The following JAM2 variants were observed in gnomAD, a reference collection of about 807,000 sequenced individuals.
The protein encoded by JAM2 is junctional adhesion molecule B.
A neutral mutation model predicts 42.0 loss-of-function variants in JAM2; 17 were observed. The observed-to-expected ratio is 0.40, with a 90% CI of 0.28 to 0.61. The LOEUF is 0.61. JAM2 is among the 20% of genes least tolerant of loss of function. The pLI, the probability that JAM2 is intolerant of heterozygous loss-of-function variation, is 0.37. For missense variants in JAM2, 319 were observed against 358.3 expected (o/e 0.89, Z 0.89); for synonymous variants, 118 against 128.6 (o/e 0.92, Z 0.56).
chr21:25,691,267 A>C lies in JAM2; in HGVS notation c.241+1294A>C, dbSNP rs189851972. Among the ~76,000 whole-genome samples the C allele has an allele frequency of 4.6e-5, 7 of 152,382 alleles. No homozygotes were observed. In the East Asian group the frequency reaches 1.3e-3, roughly 29 times the overall value. ...CTGTCAAGATAAGACTACTAGCTGT[A>C]AGGTGTTAATAGCACAGCTGTCTTC... is the stretch of plus-strand genomic sequence containing the variant. On this transcript the variant is annotated intron_variant, in intron 3 of 9. Transcript: ENST00000480456.
intron 1 of JAM2, among the ~76,000 whole-genome samples, chr21:25,661,207 C>G (rs553394599): frequency 6.6e-6 from 1 of 152,110 alleles, no homozygotes; most frequent in South Asian, 2.1e-4. Context: ...AATACCAGCA[C>G]TTTGGGAGGT....
Position 25,639,735 on chromosome 21 carries a change from C to G in JAM2, c.-87C>G. ...CCCGACTCTCTGCTCCTTTCCCGCC[C>G]CAGAAGTTCAAGGGCCCCCGGCCTC... On this transcript the variant is annotated 5_prime_UTR_variant, in exon 1 of 10. Coordinates refer to ENST00000480456, the MANE Select transcript of JAM2 (RefSeq NM_021219.4). The G allele has an allele frequency of 1.2e-6, 1 of 816,264 alleles. No individual in the cohort carries two copies. 50.6% of individuals were successfully genotyped at this position (816,264 alleles called of 1,614,324 possible).
At chr21:25,694,494 A>C (rs764335591) in intron 4 of JAM2, among the ~76,000 whole-genome samples, 1 of 152,210 alleles carries the variant, frequency 6.6e-6, no homozygotes, top group East Asian at 1.9e-4. Flanking sequence ...ATTTGAATCC[A>C]GATGGGGTTA....
In JAM2 at chr21:25,717,019, A is replaced by T. The variant is rs1204837290; in HGVS notation, c.*2347A>T. 6.6e-6 allele frequency: 1 copy of T among 152,254 alleles called. No homozygotes were observed. Among genetic ancestry groups the T allele is most frequent in the African/African-American group, 2.4e-5 (1 of 41,466 alleles). The allele number at this position is 152,254 out of a possible 1,614,324, so 9.4% of individuals were successfully genotyped here. The stretch of plus-strand genomic sequence containing the variant: ...TGCCTTAGCTTCACTAATAGTTGTA[A>T]AACTTCTTTTTAAGACATCAAAGGC... On this transcript the variant is annotated 3_prime_UTR_variant, in exon 10 of 10. Transcript: ENST00000480456.
intron 4 of JAM2, among the ~76,000 whole-genome samples, chr21:25,695,557 C>T (rs1350368834): frequency 6.7e-6 from 1 of 149,612 alleles, no homozygotes; most frequent in African/African-American, 2.5e-5. Context: ...GGCGGCCGGG[C>T]AGAGGGGCCC....
chr21:25,665,443 T>C (rs2033193127), intron 1 of JAM2, among the ~76,000 whole-genome samples: 1 of 152,202 alleles, frequency 6.6e-6, no homozygotes, highest in South Asian at 2.1e-4. Context: ...CTATAATTCA[T>C]TATGATGCTT....
intron 1 of JAM2, among the ~76,000 whole-genome samples, chr21:25,676,254 C>G (rs1279753337): frequency 1.4e-5 from 2 of 139,706 alleles, no homozygotes; most frequent in Non-Finnish European, 3.0e-5. Context: ...CGCCACTGCA[C>G]TCCAGCCTGG....
chr21:25,704,398 G>A (rs1202643109), intron 6 of JAM2, among the ~76,000 whole-genome samples: 2 of 152,038 alleles, frequency 1.3e-5, no homozygotes. Context: ...TAATATTTTG[G>A]AGGTATTTAA....
intron 6 of JAM2, among the ~76,000 whole-genome samples, chr21:25,705,254 A>G (rs1157986881): frequency 3.3e-5 from 5 of 152,030 alleles, no homozygotes; most frequent in African/African-American, 1.2e-4. Flanking sequence ...TTTTTAAGAG[A>G]CAGTCTTGCT....
intron 7 of JAM2, among the ~76,000 whole-genome samples, chr21:25,708,256 CAA>C (rs754989378): frequency 6.6e-6 from 1 of 152,074 alleles, no homozygotes; most frequent in Non-Finnish European, 1.5e-5. Flanking sequence ...GACATGGATT[CAA>C]AGAGATGCCC....
intron 1 of JAM2, among the ~76,000 whole-genome samples, chr21:25,644,869 T>TGTTTGTTG (rs1416505819): frequency 9.1e-5 from 2 of 21,980 alleles, no homozygotes; most frequent in African/African-American, 1.5e-4. Flanking sequence ...TTTTTGGTTT[T>TGTTTGTTG]GTTTGTTTGT....
chr21:25,671,167 A>C (rs1449947832), intron 1 of JAM2, among the ~76,000 whole-genome samples: 1 of 152,226 alleles, frequency 6.6e-6, no homozygotes, highest in African/African-American at 2.4e-5. Context: ...ATATCAGATC[A>C]TGGTCCGTGG....
At position 25,654,477 on chromosome 21, in the gene JAM2, C is replaced by G. The variant is rs189937101; in HGVS notation, c.67+14589C>G. 9.2e-5 allele frequency among the ~76,000 whole-genome samples: 14 copies of G among 151,582 alleles called. No individual in the cohort carries two copies. The East Asian group carries it at 2.7e-3, about 29-fold the overall frequency. ...AGCCTGGCCAACATGGTGAAACCCC[C>G]TCTCTACTAAAAATACAAAAATTCG... On this transcript the variant is annotated intron_variant, in intron 1 of 9. Coordinates refer to ENST00000480456, the MANE Select transcript of JAM2 (RefSeq NM_021219.4).
chr21:25,641,354 A>T (rs942781858), intron 1 of JAM2, among the ~76,000 whole-genome samples: 1 of 152,246 alleles, frequency 6.6e-6, no homozygotes, highest in Non-Finnish European at 1.5e-5. Flanking sequence ...TGAATCACCA[A>T]CATAGAAACA....
At chr21:25,647,081 T>C (rs2032635743) in intron 1 of JAM2, among the ~76,000 whole-genome samples, 1 of 152,268 alleles carries the variant, frequency 6.6e-6, no homozygotes, top group South Asian at 2.1e-4. Flanking sequence ...TGCAGTCACC[T>C]GCTGTTTTTA....
At chr21:25,669,397 GA>G (rs1568897675) in intron 1 of JAM2, among the ~76,000 whole-genome samples, 33 of 123,382 alleles carry the variant, frequency 2.7e-4, no homozygotes, top group Non-Finnish European at 4.6e-4. Flanking sequence ...AAGAAAAAAA[GA>G]AAAAAAAAGA....
intron 2 of JAM2, among the ~76,000 whole-genome samples, chr21:25,686,876 T>C (rs1047799431): frequency 2.0e-5 from 3 of 152,252 alleles, no homozygotes; most frequent in Non-Finnish European, 2.9e-5. Flanking sequence ...CTAAATGTGA[T>C]TATTTTGCCA....
At chr21:25,677,485 A>G (rs1295346553) in intron 1 of JAM2, among the ~76,000 whole-genome samples, 1 of 152,230 alleles carries the variant, frequency 6.6e-6, no homozygotes, top group African/African-American at 2.4e-5. Flanking sequence ...AGGAAATTTT[A>G]ACAAGTAGAA....
chr21:25,640,513 C>G (rs948959347), intron 1 of JAM2, among the ~76,000 whole-genome samples: 1 of 152,200 alleles, frequency 6.6e-6, no homozygotes, highest in Non-Finnish European at 1.5e-5. Context: ...GGACATCCAA[C>G]GGGACGATTG....
Sources: allele counts gnomAD v4.1 joint callset (sites outside exome capture counted in the v4.1 genomes callset), GRCh38; gene constraint gnomAD v4.1.1; transcripts MANE v1.5; gene names NCBI Gene and HGNC (gene_info 2026-07-23, HGNC 2026-07-21).